NOX3: variants seen among roughly 807,000 people sequenced by gnomAD.
The protein encoded by NOX3 is NADPH oxidase 3, also known as NADPH oxidase catalytic subunit-like 3.
In NOX3, 74 loss-of-function variants were observed where a neutral mutation model predicts 76.7. The observed-to-expected ratio is 0.96, with a 90% CI of 0.80 to 1.17. The LOEUF (loss-of-function observed/expected upper bound fraction) is 1.17, where lower values mean the gene tolerates loss of function less well. Ranked by LOEUF, NOX3 falls within the 50% of genes most tolerant of loss-of-function variation. The pLI, the probability that NOX3 is intolerant of heterozygous loss-of-function variation, is 0.00. For synonymous variants in NOX3, 263 were observed against 261.1 expected, an observed-to-expected ratio of 1.01 and a Z score of -0.07; for missense variants, 695 against 703.3, an observed-to-expected ratio of 0.99 and a Z score of 0.13.
At chr6:155,422,594 C>T in intron 10 of NOX3, 100 bp downstream of exon 10, 1 of 1,143,734 alleles carries the variant, frequency 8.7e-7, no homozygotes. Context: ...GTTTATCCCT[C>T]ATAGTTAATT....
intron 11 of NOX3, among the ~76,000 whole-genome samples, 169 bp from the exon 12 acceptor site, chr6:155,407,423 G>A (rs760298110): frequency 4.6e-5 from 7 of 152,366 alleles, no homozygotes; most frequent in Non-Finnish European, 1.0e-4. Context: ...TTTAGGGCAA[G>A]CATCATATCT....
intron 9 of NOX3, among the ~76,000 whole-genome samples, chr6:155,426,648 T>G (rs910961203): frequency 7.2e-5 from 11 of 151,946 alleles, no homozygotes; most frequent in Admixed American, 3.3e-4. Context: ...ACATTCTCAG[T>G]GTGTGTGAAC....
chr6:155,439,050 T>C (rs551459341), intron 6 of NOX3, among the ~76,000 whole-genome samples: 1 of 152,248 alleles, frequency 6.6e-6, no homozygotes, highest in South Asian at 2.1e-4. Flanking sequence ...TGCTGTTTAT[T>C]CATCATGGGA....
chr6:155,445,084 C>T (rs970716297), intron 4 of NOX3, among the ~76,000 whole-genome samples: 4 of 152,224 alleles, frequency 2.6e-5, no homozygotes, highest in African/African-American at 9.6e-5. Flanking sequence ...TGATGCTGCT[C>T]TTTCCAAATC....
At chr6:155,406,151 G>A (rs1013253244) in intron 12 of NOX3, among the ~76,000 whole-genome samples, 3 of 152,190 alleles carry the variant, frequency 2.0e-5, no homozygotes, top group African/African-American at 7.2e-5. Context: ...AGGACATGCC[G>A]ACTTTTAAGA....
At chr6:155,445,901 T>G (rs1045079503) in intron 4 of NOX3, among the ~76,000 whole-genome samples, 1 of 128,488 alleles carries the variant, frequency 7.8e-6, no homozygotes, top group Non-Finnish European at 1.6e-5. Flanking sequence ...ATATATATAT[T>G]ATATATATGC....
intron 12 of NOX3, among the ~76,000 whole-genome samples, chr6:155,401,633 T>C (rs1198562559): frequency 6.6e-6 from 1 of 152,208 alleles, no homozygotes; most frequent in Non-Finnish European, 1.5e-5. Context: ...ATAGGTGGTC[T>C]AAAATACATT....
In NOX3 at chr6:155,411,231, C is replaced by T. The variant is rs772187535; in HGVS notation, c.1438G>A (p.Gly480Ser). Reference protein sequence around the residue: ...HFLSYHIFLTGWDENQALHIA... With the variant: ...HFLSYHIFLTSWDENQALHIA... Reference sequence around the variant, plus strand: ...ATCAGTACCTGATTTTCATCCCAGCCGGTAAGAAATATATGATAACTCAGA... The same window carrying T: ...ATCAGTACCTGATTTTCATCCCAGCTGGTAAGAAATATATGATAACTCAGA... Residue 480 changes from glycine (G) to serine (S), a missense_variant, in exon 11 of 14, where the codon GGC becomes AGC. By Grantham distance (56) the Gly-to-Ser change is moderately conservative. Coordinates refer to ENST00000159060, the MANE Select transcript of NOX3 (RefSeq NM_015718.3). 9.9e-6 allele frequency: 16 copies of T among 1,613,472 alleles called. No homozygotes were observed. The highest frequency in any genetic ancestry group is 2.2e-5 in the East Asian group (1 of 44,882).
intron 4 of NOX3, among the ~76,000 whole-genome samples, chr6:155,448,364 C>T (rs1191361742): frequency 2.6e-5 from 4 of 152,192 alleles, no homozygotes; most frequent in African/African-American, 9.7e-5. Flanking sequence ...TGCAGTAAAT[C>T]CAACGCCATT....
intron 4 of NOX3, among the ~76,000 whole-genome samples, chr6:155,448,555 G>A (rs760997407): frequency 1.0e-4 from 15 of 149,092 alleles, no homozygotes; most frequent in Non-Finnish European, 2.1e-4. Flanking sequence ...TAAGAGAGCA[G>A]CAATTTTGGA....
chr6:155,423,317 A>G lies in NOX3; in HGVS notation c.1146-461T>C, dbSNP rs550450504. On this transcript the variant is annotated intron_variant, in intron 9 of 13. Coordinates refer to ENST00000159060, the MANE Select transcript of NOX3 (RefSeq NM_015718.3). The stretch of plus-strand genomic sequence containing the variant: ...CATTCTCCCCTGTTTACATTTGGTC[A>G]CACATCTTAGTAGGTTTATGTAATT... Among the ~76,000 whole-genome samples, 3 of 152,260 alleles carry G rather than the reference A, an allele frequency of 2.0e-5. No individual in the cohort carries two copies. The East Asian group carries it at 5.8e-4, about 29-fold the overall frequency.
At chr6:155,401,873 A>T (rs1023352568) in intron 12 of NOX3, among the ~76,000 whole-genome samples, 6 of 152,118 alleles carry the variant, frequency 3.9e-5, no homozygotes, top group Non-Finnish European at 5.9e-5. Flanking sequence ...GGCGTGGTGA[A>T]GTTATTAACA....
intron 5 of NOX3, among the ~76,000 whole-genome samples, chr6:155,442,545 G>T (rs1222435084): frequency 6.6e-6 from 1 of 152,166 alleles, no homozygotes; most frequent in Non-Finnish European, 1.5e-5. Context: ...TCTGGTCAAC[G>T]TGCTGCACAC....
chr6:155,399,839 TTAAA>T (rs1779200338), intron 12 of NOX3, among the ~76,000 whole-genome samples: 1 of 152,054 alleles, frequency 6.6e-6, no homozygotes, highest in South Asian at 2.1e-4. Flanking sequence ...TCGCTTGGAA[TTAAA>T]TAGAGATTCT....
chr6:155,416,583 A>T (rs906698676), intron 10 of NOX3, among the ~76,000 whole-genome samples: 1 of 152,148 alleles, frequency 6.6e-6, no homozygotes, highest in African/African-American at 2.4e-5. Flanking sequence ...ATAATTTTTC[A>T]TCCTTAAGAC....
At chr6:155,406,794 T>A (rs1433852109) in intron 12 of NOX3, among the ~76,000 whole-genome samples, 2 of 152,222 alleles carry the variant, frequency 1.3e-5, no homozygotes, top group African/African-American at 2.4e-5. Flanking sequence ...TGCTAGATAG[T>A]GTACAGTTGG....
intron 10 of NOX3, among the ~76,000 whole-genome samples, chr6:155,419,405 G>T (rs966146730): frequency 6.6e-6 from 1 of 152,132 alleles, no homozygotes; most frequent in Non-Finnish European, 1.5e-5. Flanking sequence ...GGGTGACTTT[G>T]GACAAATCAT....
intron 4 of NOX3, among the ~76,000 whole-genome samples, chr6:155,450,465 TC>T (rs1490588027): frequency 1.3e-5 from 2 of 152,192 alleles, no homozygotes; most frequent in Admixed American, 1.3e-4. Context: ...CTCTCACTCA[TC>T]CTCAGTTTTC....
rs747908697 is a variant in NOX3 at position 155,411,326 on chromosome 6, G to T, written c.1343C>A (p.Ala448Asp). 3.7e-6 allele frequency: 6 copies of T among 1,613,836 alleles called. No individual in the cohort carries two copies. Among genetic ancestry groups the T allele is most frequent in the Middle Eastern group, 1.7e-4 (1 of 6,060 alleles). Reference sequence around the variant, plus strand: ...TAAGAGATCAGCAAACCACTCAAAAGCTCTTGCATCCCGGCAAATCCAGTA... The same window carrying T: ...TAAGAGATCAGCAAACCACTCAAAATCTCTTGCATCCCGGCAAATCCAGTA... ...YFYWICRDAR[A>D]FEWFADLLLS... Residue 448 changes from alanine (A) to aspartate (D), a missense_variant, in exon 11 of 14, where the codon GCT (alanine) becomes GAT (aspartate). Transcript: ENST00000159060.
Sources: gnomAD v4.1 joint callset for allele counts (sites outside exome capture counted in the v4.1 genomes callset) on GRCh38, gnomAD v4.1.1 for gene constraint, MANE v1.5 for transcripts, NCBI Gene and HGNC (gene_info 2026-07-23, HGNC 2026-07-21) for gene names.